Variants in KIAA0513 observed in about 807,000 individuals in gnomAD.
KIAA0513 encodes the protein uncharacterized protein KIAA0513.
Under a neutral mutation model 56.5 loss-of-function variants are expected in KIAA0513, and 39 were observed. The observed-to-expected ratio is 0.69, with a 90% CI of 0.53 to 0.90. KIAA0513 has a LOEUF of 0.90. Ranked by LOEUF, KIAA0513 falls within the 40% of genes least tolerant of loss-of-function variation. The pLI is 0.00. For missense variants in KIAA0513, 591 were observed against 535.2 expected (o/e 1.10, Z -1.03); for synonymous variants, 268 against 215.6 (o/e 1.24, Z -2.13).
intron 1 of KIAA0513, among the ~76,000 whole-genome samples, chr16:85,049,062 C>A (rs1049141694): frequency 6.6e-6 from 1 of 152,240 alleles, no homozygotes; most frequent in African/African-American, 2.4e-5. Flanking sequence ...TGTGAGGTTG[C>A]TTTGCACGGT....
At chr16:85,088,247 CT>C in intron 12 of KIAA0513, 28 bp from the exon 13 acceptor site, 1 of 1,606,372 alleles carries the variant, frequency 6.2e-7, no homozygotes, top group Non-Finnish European at 8.5e-7. Context: ...TGTCTTTCAT[CT>C]GAGAAATAAC....
intron 1 of KIAA0513, among the ~76,000 whole-genome samples, chr16:85,033,419 C>G (rs1008557707): frequency 6.6e-6 from 1 of 152,210 alleles, no homozygotes; most frequent in Non-Finnish European, 1.5e-5. Context: ...CTGCACTGGT[C>G]CTTGTAGTGG....
intron 1 of KIAA0513, among the ~76,000 whole-genome samples, chr16:85,059,874 G>A (rs979057537): frequency 6.6e-6 from 1 of 152,150 alleles, no homozygotes; most frequent in Non-Finnish European, 1.5e-5. Context: ...TACTGATTAG[G>A]GAAAAGAGCA....
At chr16:85,041,828 C>T (rs2073107401) in intron 1 of KIAA0513, among the ~76,000 whole-genome samples, 2 of 152,248 alleles carry the variant, frequency 1.3e-5, no homozygotes, top group South Asian at 2.1e-4. Flanking sequence ...GTTCTGGACC[C>T]ATCTGAGGAA....
intron 1 of KIAA0513, among the ~76,000 whole-genome samples, chr16:85,058,096 A>C (rs1471990791): frequency 6.6e-6 from 1 of 152,166 alleles, no homozygotes; most frequent in African/African-American, 2.4e-5. Context: ...CGCGGATGCT[A>C]TTTTGGTTAT....
chr16:85,075,826 C>T lies in KIAA0513; in HGVS notation c.504-18C>T, dbSNP rs199788337. The T allele has an allele frequency of 2.5e-5, 40 of 1,613,500 alleles. No individual in the cohort carries two copies. Among genetic ancestry groups the T allele is most frequent in the Non-Finnish European group, 3.3e-5 (39 of 1,179,554 alleles). On this transcript the variant is annotated intron_variant, in intron 4 of 12. Transcript: ENST00000683363. Reference sequence around the variant, plus strand: ...AGGTGGAGCGATCTTTAGCCATGAGCCTTGCCTCTTGTTTCAGGTGTCATC... The same window carrying T: ...AGGTGGAGCGATCTTTAGCCATGAGTCTTGCCTCTTGTTTCAGGTGTCATC...
intron 1 of KIAA0513, among the ~76,000 whole-genome samples, chr16:85,029,289 C>G (rs1487136545): frequency 3.3e-5 from 5 of 152,230 alleles, no homozygotes; most frequent in Non-Finnish European, 7.3e-5. Flanking sequence ...CAGATCATCA[C>G]TAACCTCTCT....
At chr16:85,042,258 A>G (rs775977705) in intron 1 of KIAA0513, among the ~76,000 whole-genome samples, 2 of 152,200 alleles carry the variant, frequency 1.3e-5, no homozygotes, top group East Asian at 1.9e-4. Context: ...GAGAAGTTCA[A>G]ATGCTTTGGA....
chr16:85,075,963 G>C (rs746195828), intron 5 of KIAA0513, 49 bp downstream of exon 5: 6 of 1,395,126 alleles, frequency 4.3e-6, no homozygotes, highest in Non-Finnish European at 6.1e-6. Flanking sequence ...CTAGTCTGCT[G>C]ATAATATGGT....
chr16:85,028,398 A>T (rs2072918223), intron 1 of KIAA0513, among the ~76,000 whole-genome samples: 1 of 152,100 alleles, frequency 6.6e-6, no homozygotes, highest in Non-Finnish European at 1.5e-5. Context: ...TGGGGGTGAG[A>T]GAAAGGGGCT....
Position 85,065,257 on chromosome 16 carries a change from G to A in KIAA0513, c.-172-1643G>A, listed in dbSNP as rs567420834. Among the ~76,000 whole-genome samples, 4 of 152,310 alleles carry A rather than the reference G, an allele frequency of 2.6e-5. No individual in the cohort carries two copies. The South Asian group carries it at 6.2e-4, about 24-fold the overall frequency. ...GATCCAATCTTGATGCCTCGGCCAG[G>A]GGGGACCCATCAGAGACTAGGCGCC... On this transcript the variant is annotated intron_variant, in intron 1 of 12. Coordinates refer to ENST00000683363, the MANE Select transcript of KIAA0513 (RefSeq NM_001388359.1).
At chr16:85,055,783 G>T (rs147623438) in intron 1 of KIAA0513, among the ~76,000 whole-genome samples, 11 of 152,242 alleles carry the variant, frequency 7.2e-5, no homozygotes, top group African/African-American at 2.6e-4. Flanking sequence ...TGGTTTTTTC[G>T]GAGATGAGAA....
At chr16:85,080,323 G>A (rs950629647) in intron 8 of KIAA0513, among the ~76,000 whole-genome samples, 6 of 152,158 alleles carry the variant, frequency 3.9e-5, no homozygotes, top group African/African-American at 1.4e-4. Flanking sequence ...TAGACTTTGC[G>A]GGCCAGATGG....
At chr16:85,071,153 A>T (rs897656483) in intron 2 of KIAA0513, among the ~76,000 whole-genome samples, 1 of 152,074 alleles carries the variant, frequency 6.6e-6, no homozygotes, top group African/African-American at 2.4e-5. Flanking sequence ...TGAGCATGTT[A>T]TCCATCCTAG....
intron 1 of KIAA0513, among the ~76,000 whole-genome samples, chr16:85,054,123 G>T (rs2073294147): frequency 6.6e-6 from 1 of 152,094 alleles, no homozygotes; most frequent in Non-Finnish European, 1.5e-5. Context: ...TTGTGCCACT[G>T]CACTCCAGCC....
chr16:85,079,327 CA>C, intron 8 of KIAA0513: 1 of 334,038 alleles, frequency 3.0e-6, no homozygotes. Context: ...CATGTCCTCA[CA>C]AAACCTTGTA....
intron 1 of KIAA0513, among the ~76,000 whole-genome samples, chr16:85,055,692 T>C (rs2073318731): frequency 6.6e-6 from 1 of 152,184 alleles, no homozygotes; most frequent in Non-Finnish European, 1.5e-5. Context: ...CTTAATCTGT[T>C]GCACAGAATC....
Position 85,071,763 on chromosome 16 carries a change from C to CTTT in KIAA0513, c.330-19_330-18insTTT. On this transcript the variant is annotated intron_variant, in intron 2 of 12. Transcript: ENST00000683363. ...AAGGGTTTTTTTTTTTTTTCCTCTG[C>CTTT]TCTTTTTTTTTTTTTTTAGGGAGGA... 2 of 1,370,868 alleles carry CTTT rather than the reference C, an allele frequency of 1.5e-6. No homozygotes were observed. Among genetic ancestry groups the CTTT allele is most frequent in the South Asian group, 1.3e-5 (1 of 76,204 alleles). The allele number at this position is 1,370,868 out of a possible 1,614,324, so 84.9% of individuals were successfully genotyped here.
intron 1 of KIAA0513, among the ~76,000 whole-genome samples, chr16:85,036,365 C>G (rs905250359): frequency 8.5e-5 from 13 of 152,212 alleles, no homozygotes; most frequent in African/African-American, 2.4e-5. Context: ...CTGACAACCA[C>G]TAATCCAGTT....
Sources: allele counts gnomAD v4.1 joint callset (sites outside exome capture counted in the v4.1 genomes callset), GRCh38; gene constraint gnomAD v4.1.1; transcripts MANE v1.5; gene names NCBI Gene and HGNC (gene_info 2026-07-23, HGNC 2026-07-21).